Variants in DNM1 observed in about 807,000 individuals in gnomAD.
DNM1 encodes the protein dynamin 1, also known as dynamin-1.
DNM1 carries 29 observed loss-of-function variants against 104.6 expected under a neutral mutation model. That is an observed-to-expected ratio of 0.28 (90% CI 0.21 to 0.38). DNM1 has a LOEUF of 0.38. Ranked by LOEUF, DNM1 falls within the 10% of genes least tolerant of loss-of-function variation. The pLI, the probability that DNM1 is intolerant of heterozygous loss-of-function variation, is 1.00. For synonymous variants in DNM1, 445 were observed against 475.8 expected (o/e 0.94, Z 0.84); for missense variants, 640 against 1,189.4 (o/e 0.54, Z 6.79).
intron 10 of DNM1, among the ~76,000 whole-genome samples, chr9:128,228,974 C>A (rs111808204): frequency 0.069 from 10,350 of 149,784 alleles, 360 homozygotes; most frequent in Middle Eastern, 0.12. Context: ...CAGAGCCAGA[C>A]TCCATCTCAA....
chr9:128,224,405 G>T lies in DNM1; in HGVS notation c.1335+16G>T, dbSNP rs768442528. 7.5e-6 allele frequency: 12 copies of T among 1,602,492 alleles called. No homozygotes were observed. Among genetic ancestry groups the T allele is most frequent in the African/African-American group, 4.0e-5 (3 of 74,760 alleles). On this transcript the variant is annotated intron_variant, in intron 10 of 21. Coordinates refer to ENST00000372923, the MANE Select transcript of DNM1 (RefSeq NM_004408.4). The surrounding 1 kb of genome is among the most constrained non-coding windows in gnomAD (Gnocchi z 4.3). ...CACCAAGAAGGTAACCCGGAGGCCCGGGCCAGCCCCCACCGCCTCTGCCCC... is the reference window on the plus strand; with the variant it reads ...CACCAAGAAGGTAACCCGGAGGCCCTGGCCAGCCCCCACCGCCTCTGCCCC...
chr9:128,220,292 A>G lies in DNM1; in HGVS notation c.800A>G (p.His267Arg). ...TTCCTCTCCCATCCATCTTATCGCC[A>G]CTTGGCTGACCGTATGGGCACGCCC... ...KFFLSHPSYR[H>R]LADRMGTPYL... The change falls in exon 6 of 22, where the codon CAC (histidine) becomes CGC (arginine). Residue 267 changes from histidine to arginine, a missense_variant. This residue lies in a region of DNM1 where 81 missense variants were observed against 99.8 expected (regional missense o/e 0.81). Coordinates refer to ENST00000372923, the MANE Select transcript of DNM1 (RefSeq NM_004408.4). The surrounding 1 kb of genome is among the most constrained non-coding windows in gnomAD (Gnocchi z 5.2). 6.2e-7 allele frequency: 1 copy of G among 1,614,198 alleles called. No individual in the cohort carries two copies. Among genetic ancestry groups the G allele is most frequent in the Non-Finnish European group, 8.5e-7 (1 of 1,180,038 alleles).
Position 128,234,125 on chromosome 9 carries a change from C to A in DNM1, c.1422+18C>A. The A allele has an allele frequency of 1.3e-6, 2 of 1,512,518 alleles. No individual in the cohort carries two copies. Among genetic ancestry groups the A allele is most frequent in the Middle Eastern group, 1.7e-4 (1 of 5,830 alleles). 93.7% of individuals were successfully genotyped at this position (1,512,518 alleles called of 1,614,324 possible). ...AGGAGCAGGTGAGCCCCGCAGCACC[C>A]GGCCTGGCCGCGCCTTCCTTCCACT... On this transcript the variant is annotated intron_variant, in intron 11 of 21. Coordinates refer to ENST00000372923, the MANE Select transcript of DNM1 (RefSeq NM_004408.4).
chr9:128,242,821 G>A (rs530475442), intron 15 of DNM1, among the ~76,000 whole-genome samples: 2 of 151,856 alleles, frequency 1.3e-5, no homozygotes, highest in South Asian at 4.2e-4. Flanking sequence ...GACCCTGGGG[G>A]TTCAGGGGGA....
rs1362157288 is a variant in DNM1, at chr9:128,222,155, G to T, written c.850-42G>T. The T allele has an allele frequency of 6.3e-7, 1 of 1,579,302 alleles. No individual in the cohort carries two copies. The highest frequency in any genetic ancestry group is 1.3e-5 in the African/African-American group (1 of 74,234). Reference sequence around the variant, plus strand: ...GGCATCCAAGTCCCTTCCTGGCCCTGTGACCATCTGTCCTCAACCCTTTCC... The same window carrying T: ...GGCATCCAAGTCCCTTCCTGGCCCTTTGACCATCTGTCCTCAACCCTTTCC... On this transcript the variant is annotated intron_variant, in intron 6 of 21. Coordinates refer to ENST00000372923, the MANE Select transcript of DNM1 (RefSeq NM_004408.4). This position sits in a 1 kb window ranked among gnomAD's most constrained non-coding sequence, Gnocchi z 7.8.
intron 1 of DNM1, among the ~76,000 whole-genome samples, chr9:128,213,741 C>T (rs986451155): frequency 2.0e-5 from 3 of 152,104 alleles, no homozygotes; most frequent in East Asian, 1.9e-4. Flanking sequence ...TTGGTCAGTG[C>T]GGGTGTCCTG....
In DNM1 at chr9:128,222,666, GT is replaced by G. The variant is rs1835093361; in HGVS notation, c.1128+71del. 9.3e-6 allele frequency: 15 copies of G among 1,605,748 alleles called. No individual in the cohort carries two copies. The stretch of plus-strand genomic sequence containing the variant: ...CACCCTCACTCAGGACTCTCTCTGC[GT>G]GTGTTTTTGCTGGCCCCCACCCCAC... On this transcript the variant is annotated intron_variant, in intron 8 of 21. Transcript: ENST00000372923. This position sits in a 1 kb window ranked among gnomAD's most constrained non-coding sequence, Gnocchi z 7.8.
rs1588467457 is a variant in DNM1 at position 128,253,579 on chromosome 9, G to C, written c.2535-1075G>C. 1 of 202,128 alleles carries C rather than the reference G, an allele frequency of 4.9e-6. No homozygotes were observed. The highest frequency in any genetic ancestry group is 1.2e-4 in the East Asian group (1 of 8,170). 12.5% of individuals were successfully genotyped at this position (202,128 alleles called of 1,614,324 possible). A position where few individuals can be genotyped will look rare whatever the true frequency, so the allele number is the denominator to read the frequency against. Reference sequence around the variant, plus strand: ...TGTGCAGTCTGAGTCATGCTCCCTGGGTAGGGCATCCAGCTCCCAGCCTGG... The same window carrying C: ...TGTGCAGTCTGAGTCATGCTCCCTGCGTAGGGCATCCAGCTCCCAGCCTGG... On this transcript the variant is annotated intron_variant, in intron 21 of 21. Coordinates refer to ENST00000372923, the MANE Select transcript of DNM1 (RefSeq NM_004408.4). This position sits in a 1 kb window ranked among gnomAD's most constrained non-coding sequence, Gnocchi z 5.9.
Position 128,218,795 on chromosome 9 carries a change from C to T in DNM1, c.385+64C>T, listed in dbSNP as rs1834766843. ...TTTCTTGGCCACGCACCTCTGCGTG[C>T]CTCGCTCCTCCTGCAGACTCCGCCC... On this transcript the variant is annotated intron_variant, in intron 3 of 21. Transcript: ENST00000372923. The surrounding 1 kb of genome is among the most constrained non-coding windows in gnomAD (Gnocchi z 4.8). The T allele has an allele frequency of 6.6e-7, 1 of 1,504,598 alleles. No homozygotes were observed. 93.2% of individuals were successfully genotyped at this position (1,504,598 alleles called of 1,614,324 possible).
chr9:128,244,033 G>A (rs1291389905), intron 15 of DNM1, among the ~76,000 whole-genome samples: 3 of 151,602 alleles, frequency 2.0e-5, no homozygotes, highest in African/African-American at 7.3e-5. Flanking sequence ...ATCTAGGTGT[G>A]TTTGGAATAT....
At position 128,245,070 on chromosome 9, in the gene DNM1, G is replaced by A. The variant is rs560389192; in HGVS notation, c.1672-1324G>A. ...GCCGGCAGGAAGGGAGGGGTGGGGGGAGGAGGCCGCTCCTACCTAGTGTCC... is the reference window on the plus strand; with the variant it reads ...GCCGGCAGGAAGGGAGGGGTGGGGGAAGGAGGCCGCTCCTACCTAGTGTCC... On this transcript the variant is annotated intron_variant, in intron 15 of 21. Coordinates refer to ENST00000372923, the MANE Select transcript of DNM1 (RefSeq NM_004408.4). The surrounding 1 kb of genome is among the most constrained non-coding windows in gnomAD (Gnocchi z 5.2). 4.0e-4 allele frequency: 106 copies of A among 262,532 alleles called. No individual in the cohort carries two copies. The highest frequency in any genetic ancestry group is 2.0e-3 in the African/African-American group (89 of 45,018). The allele number at this position is 262,532 out of a possible 1,614,324, so 16.3% of individuals were successfully genotyped here.
chr9:128,207,015 A>T (rs1257046354), intron 1 of DNM1, among the ~76,000 whole-genome samples: 1 of 151,912 alleles, frequency 6.6e-6, no homozygotes, highest in Admixed American at 6.6e-5. Context: ...GGGTTTCAGG[A>T]TATATTTTAG....
chr9:128,239,585 TG>T (rs1836237854), intron 12 of DNM1, 70 bp downstream of exon 12: 1 of 1,132,246 alleles, frequency 8.8e-7, no homozygotes, highest in Non-Finnish European at 1.3e-6. Flanking sequence ...TGTGTGTGTG[TG>T]TGTGTGTGTG....
rs376185912 is a variant in DNM1 at position 128,218,780 on chromosome 9, A to T, written c.385+49A>T. On this transcript the variant is annotated intron_variant, in intron 3 of 21. Coordinates refer to ENST00000372923, the MANE Select transcript of DNM1 (RefSeq NM_004408.4). The surrounding 1 kb of genome is among the most constrained non-coding windows in gnomAD (Gnocchi z 4.8). The stretch of plus-strand genomic sequence containing the variant: ...ACCTCTAAGAATCATTTTCTTGGCC[A>T]CGCACCTCTGCGTGCCTCGCTCCTC... 6.5e-7 allele frequency: 1 copy of T among 1,543,548 alleles called. No homozygotes were observed. Among genetic ancestry groups the T allele is most frequent in the African/African-American group, 1.4e-5 (1 of 72,912 alleles).
At chr9:128,230,210 C>G (rs1343384604) in intron 10 of DNM1, among the ~76,000 whole-genome samples, 1 of 144,806 alleles carries the variant, frequency 6.9e-6, no homozygotes, top group African/African-American at 2.6e-5. Flanking sequence ...GATCGAGACT[C>G]CGTCTCAAAA....
At position 128,248,023 on chromosome 9, in the gene DNM1, G is replaced by A. The variant is rs1307647126; in HGVS notation, c.1905+88G>A. 2 of 1,571,036 alleles carry A rather than the reference G, an allele frequency of 1.3e-6. No homozygotes were observed. Among genetic ancestry groups the A allele is most frequent in the African/African-American group, 2.7e-5 (2 of 74,036 alleles). ...GTTTTCAAGCAAGGGACCTGGAGAT[G>A]TTCTTTTCTAATTTCTGGATTGGGG... On this transcript the variant is annotated intron_variant, in intron 18 of 21. Transcript: ENST00000372923. The surrounding 1 kb of genome is among the most constrained non-coding windows in gnomAD (Gnocchi z 5.6).
intron 15 of DNM1, among the ~76,000 whole-genome samples, chr9:128,244,090 T>G (rs1836589651): frequency 6.7e-6 from 1 of 150,060 alleles, no homozygotes; most frequent in Non-Finnish European, 1.5e-5. Flanking sequence ...GCCTGGGGAG[T>G]GACTCTGGGC....
intron 16 of DNM1, among the ~76,000 whole-genome samples, chr9:128,246,735 C>T (rs916990004): frequency 2.0e-5 from 3 of 149,182 alleles, no homozygotes; most frequent in Non-Finnish European, 4.5e-5. Flanking sequence ...TTCCTCCCTT[C>T]CTTCCTTCCA....
chr9:128,237,449 C>T (rs1355170060), intron 11 of DNM1, among the ~76,000 whole-genome samples: 1 of 151,980 alleles, frequency 6.6e-6, no homozygotes, highest in African/African-American at 2.4e-5. Flanking sequence ...TTTGTAGAGA[C>T]AGGGTTTCAC....
Sources: gnomAD v4.1 joint callset for allele counts (sites outside exome capture counted in the v4.1 genomes callset) on GRCh38, gnomAD v4.1.1 for gene constraint, gnomAD v4.1.1 regional missense constraint, Gnocchi (gnomAD v3.1) non-coding constraint, MANE v1.5 for transcripts, NCBI Gene and HGNC (gene_info 2026-07-23, HGNC 2026-07-21) for gene names.